The following PCSK5 variants were observed in gnomAD, a reference collection of about 807,000 sequenced individuals.
PCSK5 encodes prohormone convertase 5.
A neutral mutation model predicts 233.2 loss-of-function variants in PCSK5; 129 were observed. The ratio of observed to expected loss-of-function variants is 0.55; its 90% CI spans 0.48 to 0.64. The LOEUF (loss-of-function observed/expected upper bound fraction) is 0.64, where lower values mean the gene tolerates loss of function less well. Ranked by LOEUF, PCSK5 falls within the 30% of genes least tolerant of loss-of-function variation. The pLI is 0.00. For synonymous variants in PCSK5, 825 were observed against 879.2 expected (o/e 0.94, Z 1.09); for missense variants, 2,076 against 2,430.1 (o/e 0.85, Z 3.06).
At chr9:76,188,036 C>T (rs1587734401) in intron 17 of PCSK5, among the ~76,000 whole-genome samples, 1 of 152,036 alleles carries the variant, frequency 6.6e-6, no homozygotes, top group Admixed American at 6.6e-5. Context: ...CTATAGAAGA[C>T]TAAAATCAGA....
At chr9:75,928,956 A>ATTTATTTATTT (rs1564088434) in intron 1 of PCSK5, among the ~76,000 whole-genome samples, 10 of 128,988 alleles carry the variant, frequency 7.8e-5, no homozygotes, top group African/African-American at 2.6e-4. Flanking sequence ...TTTATTTATG[A>ATTTATTTATTT]GACACAGTCT....
intron 24 of PCSK5, among the ~76,000 whole-genome samples, chr9:76,259,220 G>T (rs1266348649): frequency 6.6e-6 from 1 of 152,172 alleles, no homozygotes; most frequent in Non-Finnish European, 1.5e-5. Context: ...TGGCCTCAGT[G>T]TCTACCTCTT....
chr9:76,223,512 A>T (rs906981376), intron 20 of PCSK5, among the ~76,000 whole-genome samples: 5 of 152,226 alleles, frequency 3.3e-5, no homozygotes, highest in Non-Finnish European at 7.3e-5. Flanking sequence ...TTTAAAATTT[A>T]TAAGTATTAA....
At chr9:75,924,366 A>G (rs988864331) in intron 1 of PCSK5, among the ~76,000 whole-genome samples, 2 of 152,176 alleles carry the variant, frequency 1.3e-5, no homozygotes, top group African/African-American at 4.8e-5. Flanking sequence ...CTAAAAAAAA[A>G]TAGCTTTTTT....
chr9:75,891,987 C>G (rs1564064027), intron 1 of PCSK5, among the ~76,000 whole-genome samples: 1 of 152,082 alleles, frequency 6.6e-6, no homozygotes, highest in Admixed American at 6.5e-5. Flanking sequence ...GGGGAGACCT[C>G]TAGGCTTTCT....
intron 34 of PCSK5, among the ~76,000 whole-genome samples, chr9:76,334,795 T>C (rs771027651): frequency 5.9e-5 from 9 of 152,120 alleles, no homozygotes; most frequent in Non-Finnish European, 8.8e-5. Flanking sequence ...CAGAGATGGA[T>C]GGCCAGGTGT....
chr9:76,179,503 A>G (rs762574401), intron 14 of PCSK5, 93 bp from the exon 15 acceptor site: 83 of 853,480 alleles, frequency 9.7e-5, no homozygotes, highest in Non-Finnish European at 1.5e-4. Context: ...TGCATAAGAA[A>G]AAAAAAAGTC....
intron 20 of PCSK5, chr9:76,193,642 A>G (rs1824537543): frequency 7.6e-6 from 2 of 261,584 alleles, no homozygotes; most frequent in Non-Finnish European, 1.4e-5. Flanking sequence ...AAAGCATTTG[A>G]TGCCAAAATT....
chr9:76,158,697 C>T (rs1033682627), intron 11 of PCSK5, among the ~76,000 whole-genome samples: 4 of 152,122 alleles, frequency 2.6e-5, no homozygotes, highest in Non-Finnish European at 5.9e-5. Context: ...CACTCTGGGG[C>T]CAGCAATCTG....
At chr9:75,921,750 G>C (rs1361222360) in intron 1 of PCSK5, among the ~76,000 whole-genome samples, 1 of 152,076 alleles carries the variant, frequency 6.6e-6, no homozygotes, top group South Asian at 2.1e-4. Context: ...TCTTATCTGA[G>C]GACTAGAGTA....
chr9:75,935,602 A>T (rs190932215), intron 2 of PCSK5, among the ~76,000 whole-genome samples: 361 of 152,308 alleles, frequency 2.4e-3, no homozygotes, highest in African/African-American at 8.1e-3. Flanking sequence ...GCCTCTTTTC[A>T]GGGCCAGGAA....
chr9:76,102,751 A>G (rs1831815723), intron 8 of PCSK5, among the ~76,000 whole-genome samples: 2 of 152,156 alleles, frequency 1.3e-5, no homozygotes, highest in Admixed American at 1.3e-4. Flanking sequence ...GTTGACTACA[A>G]ATTTCTGTGA....
At chr9:75,911,729 G>T (rs1032087179) in intron 1 of PCSK5, among the ~76,000 whole-genome samples, 50 of 152,092 alleles carry the variant, frequency 3.3e-4, no homozygotes, top group African/African-American at 1.2e-3. Flanking sequence ...GTGCTGGCTT[G>T]GGTTATGGAG....
At chr9:75,941,700 G>A (rs942172984) in intron 2 of PCSK5, among the ~76,000 whole-genome samples, 3 of 152,164 alleles carry the variant, frequency 2.0e-5, no homozygotes, top group African/African-American at 7.2e-5. Flanking sequence ...CTTGGGAGAA[G>A]CCTTTCAGCC....
At chr9:75,975,453 G>T (rs1825976435) in intron 2 of PCSK5, among the ~76,000 whole-genome samples, 1 of 152,188 alleles carries the variant, frequency 6.6e-6, no homozygotes, top group East Asian at 1.9e-4. Flanking sequence ...TATGTCCTCT[G>T]CTTGGAGAAA....
chr9:76,229,061 C>T (rs10869740), intron 21 of PCSK5, among the ~76,000 whole-genome samples: 43,794 of 152,008 alleles, frequency 0.29, 7,266 homozygotes, highest in East Asian at 0.7. Context: ...GGAGAAAGGA[C>T]CGAAGAAGAC....
intron 9 of PCSK5, among the ~76,000 whole-genome samples, chr9:76,113,710 C>A (rs1377813615): frequency 3.3e-5 from 5 of 152,088 alleles, no homozygotes; most frequent in African/African-American, 1.2e-4. Context: ...ATAAACATTT[C>A]TTAATATTGG....
intron 24 of PCSK5, among the ~76,000 whole-genome samples, chr9:76,253,390 T>C (rs564004353): frequency 5.1e-4 from 78 of 152,288 alleles, no homozygotes; most frequent in Non-Finnish European, 8.5e-4. Context: ...AAACTGACTG[T>C]TTCTATTTTG....
At chr9:76,325,644 C>CTTTATTTTTTTTTTTTTT (rs1230191426) in intron 32 of PCSK5, among the ~76,000 whole-genome samples, 1 of 150,372 alleles carries the variant, frequency 6.7e-6, no homozygotes, top group Non-Finnish European at 1.5e-5. Context: ...ATTGCACTTT[C>CTTTATTTTTTTTTTTTTT]TTTTTTTTGA....
Sources: gnomAD v4.1 joint callset for allele counts (sites outside exome capture counted in the v4.1 genomes callset) on GRCh38, gnomAD v4.1.1 for gene constraint, MANE v1.5 for transcripts, NCBI Gene and HGNC (gene_info 2026-07-23, HGNC 2026-07-21) for gene names.